The following MGAT4C variants were observed in gnomAD, a reference collection of about 807,000 sequenced individuals.
The protein encoded by MGAT4C is alpha-1,3-mannosyl-glycoprotein 4-beta-N-acetylglucosaminyltransferase C.
MGAT4C carries 19 observed loss-of-function variants against 40.1 expected under a neutral mutation model. That is an observed-to-expected ratio of 0.47 (90% CI 0.33 to 0.70). The LOEUF is 0.70. Among genes scored for constraint, MGAT4C ranks in the 30% least tolerant of loss-of-function variants. The pLI, the probability that MGAT4C is intolerant of heterozygous loss-of-function variation, is 0.02. For synonymous variants in MGAT4C, 181 were observed against 187.1 expected (o/e 0.97, Z 0.27); for missense variants, 491 against 563.2 (o/e 0.87, Z 1.30).
chr12:86,121,504 A>G (rs1384186252), intron 1 of MGAT4C, among the ~76,000 whole-genome samples: 1 of 152,212 alleles, frequency 6.6e-6, no homozygotes, highest in Non-Finnish European at 1.5e-5. Context: ...GATAAAGGTC[A>G]GGTTACCCAC....
At chr12:85,993,490 T>C (rs1265935123) in intron 2 of MGAT4C, among the ~76,000 whole-genome samples, 1 of 152,178 alleles carries the variant, frequency 6.6e-6, no homozygotes, top group East Asian at 1.9e-4. Flanking sequence ...GAGCTATCCA[T>C]GGTAGACCAG....
chr12:86,652,736 A>G (rs759682067), intron 2 of MGAT4C, among the ~76,000 whole-genome samples: 1 of 151,962 alleles, frequency 6.6e-6, no homozygotes, highest in Non-Finnish European at 1.5e-5. Context: ...AGGAAAATTT[A>G]AATGCATAGA....
chr12:86,477,923 T>C (rs972477467), intron 2 of MGAT4C, among the ~76,000 whole-genome samples: 1 of 152,136 alleles, frequency 6.6e-6, no homozygotes, highest in Admixed American at 6.6e-5. Context: ...AGCAGATTAA[T>C]GTATAAAACA....
At chr12:86,068,642 G>A (rs924930161) in intron 1 of MGAT4C, 3 of 151,094 alleles carry the variant, frequency 2.0e-5, no homozygotes, top group Admixed American at 2.0e-4. Context: ...ACACTTCCAG[G>A]AAATGCCTAT....
At chr12:86,488,753 T>A (rs979907916) in intron 2 of MGAT4C, among the ~76,000 whole-genome samples, 1 of 152,186 alleles carries the variant, frequency 6.6e-6, no homozygotes, top group Non-Finnish European at 1.5e-5. Context: ...AACATTAAGA[T>A]ATATCAGAGC....
intron 2 of MGAT4C, among the ~76,000 whole-genome samples, chr12:86,638,514 C>A (rs1446807122): frequency 6.6e-6 from 1 of 151,678 alleles, no homozygotes; most frequent in African/African-American, 2.4e-5. Flanking sequence ...GGGATTAGTA[C>A]CTTTATAAGA....
intron 2 of MGAT4C, among the ~76,000 whole-genome samples, chr12:86,650,460 G>A (rs1405314716): frequency 6.6e-6 from 1 of 151,828 alleles, no homozygotes; most frequent in Non-Finnish European, 1.5e-5. Flanking sequence ...TGTATTGAGA[G>A]CTCCATTAGG....
chr12:86,208,265 A>C (rs1950337651), intron 1 of MGAT4C, among the ~76,000 whole-genome samples: 1 of 152,338 alleles, frequency 6.6e-6, no homozygotes, highest in South Asian at 2.1e-4. Context: ...CAGGAGTTCA[A>C]GACCAGCCTG....
At chr12:86,772,748 C>A (rs993558947) in intron 1 of MGAT4C, among the ~76,000 whole-genome samples, 1 of 152,152 alleles carries the variant, frequency 6.6e-6, no homozygotes, top group Non-Finnish European at 1.5e-5. Flanking sequence ...GAATGCATAA[C>A]CTCTTTATTT....
At chr12:86,276,393 C>T (rs1304132822) in intron 4 of MGAT4C, among the ~76,000 whole-genome samples, 2 of 152,106 alleles carry the variant, frequency 1.3e-5, no homozygotes, top group Non-Finnish European at 2.9e-5. Flanking sequence ...TCCATCACCT[C>T]AAGTAATTTA....
At position 86,678,124 on chromosome 12, in the gene MGAT4C, T is replaced by C. The variant is rs1226950530; in HGVS notation, c.-229+49085A>G. Reference sequence around the variant, plus strand: ...CATTTCTCTATTTGGATATCTCTGATGAGAATCTCAAATATCCAGAGCTGA... The same window carrying C: ...CATTTCTCTATTTGGATATCTCTGACGAGAATCTCAAATATCCAGAGCTGA... On this transcript the variant is annotated intron_variant, in intron 2 of 7. Transcript: ENST00000548651. Among the ~76,000 whole-genome samples the C allele has an allele frequency of 1.3e-5, 2 of 152,156 alleles. 1 individual carries two copies. Among genetic ancestry groups the C allele is most frequent in the Non-Finnish European group, 2.9e-5 (2 of 68,026 alleles).
intron 1 of MGAT4C, among the ~76,000 whole-genome samples, chr12:86,808,950 C>T (rs896097945): frequency 6.6e-6 from 1 of 152,030 alleles, no homozygotes; most frequent in Admixed American, 6.6e-5. Context: ...GATACAAAGT[C>T]AAAGTGCAAA....
At chr12:86,485,534 A>T (rs1958005844) in intron 2 of MGAT4C, among the ~76,000 whole-genome samples, 1 of 152,226 alleles carries the variant, frequency 6.6e-6, no homozygotes, top group Non-Finnish European at 1.5e-5. Flanking sequence ...AATTAATAAT[A>T]AAGAAAAGAA....
intron 4 of MGAT4C, among the ~76,000 whole-genome samples, chr12:86,322,124 C>T (rs1419473129): frequency 6.7e-6 from 1 of 149,580 alleles, no homozygotes; most frequent in South Asian, 2.1e-4. Flanking sequence ...ATCACAAGGA[C>T]AGAAAACCAA....
intron 4 of MGAT4C, among the ~76,000 whole-genome samples, chr12:86,261,939 C>T (rs1439591495): frequency 1.3e-5 from 2 of 152,022 alleles, no homozygotes; most frequent in African/African-American, 2.4e-5. Context: ...CCATTTATGC[C>T]TCAGGTTGCA....
At chr12:86,362,692 T>C (rs1458859112) in intron 3 of MGAT4C, among the ~76,000 whole-genome samples, 1 of 151,036 alleles carries the variant, frequency 6.6e-6, no homozygotes, top group African/African-American at 2.4e-5. Context: ...TGAAACCCTG[T>C]CTCTACTAAA....
chr12:86,731,890 T>C (rs945146560), intron 1 of MGAT4C, among the ~76,000 whole-genome samples: 7 of 152,248 alleles, frequency 4.6e-5, no homozygotes, highest in Admixed American at 3.9e-4. Flanking sequence ...GAAGCATTAC[T>C]TTTTTCCCCC....
chr12:86,558,851 T>C (rs1042806052), intron 2 of MGAT4C, among the ~76,000 whole-genome samples: 34 of 151,850 alleles, frequency 2.2e-4, no homozygotes, highest in Admixed American at 3.9e-4. Context: ...AACAAAATAA[T>C]ATAAATAATT....
intron 2 of MGAT4C, among the ~76,000 whole-genome samples, chr12:86,613,957 G>A (rs963163795): frequency 2.0e-5 from 3 of 152,006 alleles, no homozygotes; most frequent in African/African-American, 7.2e-5. Flanking sequence ...AGATACATGA[G>A]GAGATAGGGA....
Sources: allele counts gnomAD v4.1 joint callset (sites outside exome capture counted in the v4.1 genomes callset), GRCh38; gene constraint gnomAD v4.1.1; transcripts MANE v1.5; gene names NCBI Gene and HGNC (gene_info 2026-07-23, HGNC 2026-07-21).